MACROD1: variants seen among roughly 807,000 people sequenced by gnomAD.
MACROD1 encodes ADP-ribose glycohydrolase MACROD1.
Under a neutral mutation model 41.4 loss-of-function variants are expected in MACROD1, and 31 were observed. That is an observed-to-expected ratio of 0.75 (90% CI 0.56 to 1.01). The LOEUF (loss-of-function observed/expected upper bound fraction) is 1.01. Among genes scored for constraint, MACROD1 ranks in the 50% least tolerant of loss-of-function variants. The pLI, the probability that MACROD1 is intolerant of heterozygous loss-of-function variation, is 0.00. For missense variants in MACROD1, 473 were observed against 460.0 expected (o/e 1.03, Z -0.26); for synonymous variants, 252 against 203.4 (o/e 1.24, Z -2.03).
chr11:64,005,723 G>T (rs1172142944), intron 4 of MACROD1, among the ~76,000 whole-genome samples: 1 of 152,248 alleles, frequency 6.6e-6, no homozygotes, highest in Non-Finnish European at 1.5e-5. Flanking sequence ...TCACAGGCAG[G>T]GGATTCCTTT....
In MACROD1 at chr11:63,999,666, C is replaced by CA; in HGVS notation, c.761dup (p.Leu255AlafsTer23). ...CCACCGAGCGGAGCCGGTGCTCCAG[C>CA]AGCAGGTCCAGACTGCTCAGGTAGC... is the stretch of plus-strand genomic sequence containing the variant. On this transcript the variant is annotated frameshift_variant, in exon 6 of 11. Coordinates refer to ENST00000255681, the MANE Select transcript of MACROD1 (RefSeq NM_014067.4). LOFTEE classifies it high-confidence loss of function. 1 of 1,609,378 alleles carries CA rather than the reference C, an allele frequency of 6.2e-7. No homozygotes were observed. The highest frequency in any genetic ancestry group is 8.5e-7 in the Non-Finnish European group (1 of 1,178,992).
chr11:64,114,254 AGGTGGATG>A (rs1944925948), intron 3 of MACROD1, among the ~76,000 whole-genome samples: 2 of 61,050 alleles, frequency 3.3e-5, no homozygotes, highest in African/African-American at 8.3e-5. Context: ...ATGGATGGTT[AGGTGGATG>A]GATGGATGGA....
At chr11:64,089,184 T>C (rs1944446781) in intron 3 of MACROD1, among the ~76,000 whole-genome samples, 1 of 152,188 alleles carries the variant, frequency 6.6e-6, no homozygotes, top group African/African-American at 2.4e-5. Context: ...GGGAGTGATC[T>C]GACGGGACAA....
At position 64,153,431 on chromosome 11, in the gene MACROD1, T is replaced by C. The variant is rs1945616172; in HGVS notation, c.299-1038A>G. Among the ~76,000 whole-genome samples the C allele has an allele frequency of 2.0e-5, 3 of 151,944 alleles. No individual in the cohort carries two copies. The South Asian group carries it at 6.2e-4, about 32-fold the overall frequency. On this transcript the variant is annotated intron_variant, in intron 1 of 10. Coordinates refer to ENST00000255681, the MANE Select transcript of MACROD1 (RefSeq NM_014067.4). ...GAGGAGGTGGTGAGAAAGGAAGGAC[T>C]GCAGCCTGGAAGCTTCTATGCACAT...
At position 64,116,887 on chromosome 11, in the gene MACROD1, A is replaced by G. The variant is rs758629451; in HGVS notation, c.517+34352T>C. The G allele has an allele frequency of 3.7e-6, 6 of 1,611,612 alleles. No homozygotes were observed. The East Asian group carries it at 1.3e-4, about 36-fold the overall frequency. The stretch of plus-strand genomic sequence containing the variant: ...ACGCTGGAGGAGCTGCGGCTGGATG[A>G]CAACCGCATCTCCACCATCCCGCTG... On this transcript the variant is annotated intron_variant, in intron 3 of 10. Transcript: ENST00000255681.
rs570691017 is a variant in MACROD1 at position 64,150,248 on chromosome 11, A to G, written c.517+991T>C. Among the ~76,000 whole-genome samples, 7 of 152,370 alleles carry G rather than the reference A, an allele frequency of 4.6e-5. No homozygotes were observed. The East Asian group carries it at 1.2e-3, about 25-fold the overall frequency. ...CACAGAGATTAACGGAAATGCTCACAGCATCAGCACCACCATGCCCCAGAG... is the reference window on the plus strand; with the variant it reads ...CACAGAGATTAACGGAAATGCTCACGGCATCAGCACCACCATGCCCCAGAG... On this transcript the variant is annotated intron_variant, in intron 3 of 10. Transcript: ENST00000255681.
chr11:64,030,724 G>A (rs1943283091), intron 3 of MACROD1, among the ~76,000 whole-genome samples: 1 of 152,154 alleles, frequency 6.6e-6, no homozygotes. Context: ...CAGAAGTGGA[G>A]GAGGGAGACA....
chr11:64,130,895 T>C (rs1360444112), intron 3 of MACROD1, among the ~76,000 whole-genome samples: 1 of 152,200 alleles, frequency 6.6e-6, no homozygotes, highest in Non-Finnish European at 1.5e-5. Context: ...AAGTGAAATC[T>C]TATTTGCAAT....
At chr11:64,162,878 C>T (rs1339153771) in intron 1 of MACROD1, among the ~76,000 whole-genome samples, 3 of 144,306 alleles carry the variant, frequency 2.1e-5, no homozygotes. Flanking sequence ...CCCAGCACTC[C>T]GGGAGGCCGA....
intron 3 of MACROD1, among the ~76,000 whole-genome samples, chr11:64,091,122 AG>A (rs1944482653): frequency 1.7e-5 from 1 of 57,906 alleles, no homozygotes; most frequent in Admixed American, 2.5e-4. Flanking sequence ...GAGGGAAGAG[AG>A]GGTGGGGAGG....
chr11:64,081,312 A>G lies in MACROD1; in HGVS notation c.518-66031T>C, dbSNP rs143613843. Among the ~76,000 whole-genome samples, 312 of 152,066 alleles carry G rather than the reference A, an allele frequency of 2.1e-3. 3 individuals carry two copies. In the East Asian group the frequency reaches 0.039, roughly 19 times the overall value. ...GCTGGGATTACAGGCGTGAGCCACC[A>G]CGCCCAGCCTACACTTCATATTTTA... is the stretch of plus-strand genomic sequence containing the variant. On this transcript the variant is annotated intron_variant, in intron 3 of 10. Coordinates refer to ENST00000255681, the MANE Select transcript of MACROD1 (RefSeq NM_014067.4).
At chr11:64,028,608 G>A (rs1943253108) in intron 3 of MACROD1, among the ~76,000 whole-genome samples, 1 of 152,186 alleles carries the variant, frequency 6.6e-6, no homozygotes, top group African/African-American at 2.4e-5. Context: ...ATCCCTCCTC[G>A]GCAGCGGCAG....
chr11:63,999,766 AC>A lies in MACROD1; in HGVS notation c.665-4del, dbSNP rs752727150. On this transcript the variant is annotated splice_polypyrimidine_tract_variant and splice_region_variant and intron_variant, in intron 5 of 10. Coordinates refer to ENST00000255681, the MANE Select transcript of MACROD1 (RefSeq NM_014067.4). ...GGGCCCCACTGTGTGGATGACGTCT[AC>A]GGGGGGCGACGGGGTCAGACCGGCG... 6.2e-7 allele frequency: 1 copy of A among 1,603,664 alleles called. No individual in the cohort carries two copies. The highest frequency in any genetic ancestry group is 1.1e-5 in the South Asian group (1 of 90,478).
At chr11:64,000,447 G>A (rs1348544691) in intron 4 of MACROD1, 104 bp from the exon 5 acceptor site, 3 of 704,640 alleles carry the variant, frequency 4.3e-6, no homozygotes, top group Non-Finnish European at 6.4e-6. Context: ...GGACCCATGC[G>A]GAGCCGCGCC....
chr11:64,025,304 A>G (rs1943210243), intron 3 of MACROD1, among the ~76,000 whole-genome samples: 2 of 152,220 alleles, frequency 1.3e-5, no homozygotes, highest in East Asian at 1.9e-4. Context: ...ACGAGGAAAG[A>G]GTGAGCACCA....
intron 3 of MACROD1, among the ~76,000 whole-genome samples, chr11:64,057,114 C>T (rs1295481290): frequency 1.3e-5 from 2 of 152,246 alleles, no homozygotes; most frequent in Non-Finnish European, 2.9e-5. Flanking sequence ...CCTGTGTGTT[C>T]ATCGGCTCCC....
chr11:64,138,904 A>C (rs1391674731), intron 3 of MACROD1, among the ~76,000 whole-genome samples: 1 of 151,986 alleles, frequency 6.6e-6, no homozygotes, highest in African/African-American at 2.4e-5. Context: ...AGTAGCTGGG[A>C]TTACAGGCAC....
intron 3 of MACROD1, among the ~76,000 whole-genome samples, chr11:64,102,112 C>T (rs1944680945): frequency 1.3e-5 from 2 of 152,196 alleles, no homozygotes; most frequent in South Asian, 4.1e-4. Context: ...AGAAAAGTGC[C>T]CAGATGCAGC....
At chr11:64,062,607 C>T (rs1017772305) in intron 3 of MACROD1, among the ~76,000 whole-genome samples, 5 of 150,544 alleles carry the variant, frequency 3.3e-5, no homozygotes, top group South Asian at 2.1e-4. Flanking sequence ...CTGTCCTGGG[C>T]GCTGGGGATG....
Sources: allele counts gnomAD v4.1 joint callset (sites outside exome capture counted in the v4.1 genomes callset), GRCh38; gene constraint gnomAD v4.1.1; transcripts MANE v1.5; gene names NCBI Gene and HGNC (gene_info 2026-07-23, HGNC 2026-07-21).